The following MYH7B variants were observed in gnomAD, a reference collection of about 807,000 sequenced individuals.
MYH7B encodes myosin heavy chain 7B, also known as myosin-7B.
MYH7B carries 205 observed loss-of-function variants against 234.5 expected under a neutral mutation model. The ratio of observed to expected loss-of-function variants is 0.87; its 90% CI spans 0.78 to 0.98. The LOEUF is 0.98. MYH7B is among the 50% of genes least tolerant of loss of function. MYH7B has a pLI of 0.00. For missense variants in MYH7B, 2,652 were observed against 2,633.4 expected, an observed-to-expected ratio of 1.01 and a Z score of -0.15; for synonymous variants, 1,193 against 1,105.0, an observed-to-expected ratio of 1.08 and a Z score of -1.58.
chr20:34,978,961 G>A (rs2081898670), intron 5 of MYH7B, among the ~76,000 whole-genome samples: 1 of 152,130 alleles, frequency 6.6e-6, no homozygotes, highest in Admixed American at 6.6e-5. Context: ...TTACAGTTAG[G>A]AGGCCTGGGT....
chr20:34,956,069 G>C (rs960720706), intron 1 of MYH7B, 62 bp downstream of exon 1: 1 of 152,464 alleles, frequency 6.6e-6, no homozygotes, highest in Middle Eastern at 3.4e-3. Context: ...GGAAACTAAT[G>C]CTCAGAGCGG....
chr20:34,998,573 G>C (rs749848317), exon 34 of MYH7B: 1 of 1,613,638 alleles, frequency 6.2e-7, no homozygotes. Flanking sequence ...CCGTGGAAAG[G>C]CCCTGGCCGC....
At chr20:34,980,312 G>C (rs1373687700) in intron 7 of MYH7B, 1 of 402,710 alleles carries the variant, frequency 2.5e-6, no homozygotes, top group East Asian at 4.6e-5. Flanking sequence ...ACTTTGGGAG[G>C]GCAAGGCGGG....
intron 2 of MYH7B, among the ~76,000 whole-genome samples, chr20:34,964,709 A>G (rs1054577653): frequency 6.6e-6 from 1 of 152,230 alleles, no homozygotes; most frequent in Non-Finnish European, 1.5e-5. Flanking sequence ...ACTTGAGACC[A>G]GGAGATAGAG....
In MYH7B at chr20:34,995,478, G is replaced by A. The variant is rs1196151062; in HGVS notation, c.2843G>A (p.Arg948His). Residue 948 changes from arginine to histidine, a missense_variant, in exon 28 of 45, where the codon CGC becomes CAC. Arg to His is a conservative substitution (Grantham distance 29, BLOSUM62 0). Transcript: ENST00000262873. The stretch of plus-strand genomic sequence containing the variant: ...AACGCTGACCTGGCCGCCCGCCGGC[G>A]CAAGCTGGAGGACGAGTGCACGGAG... The A allele has an allele frequency of 1.1e-5, 17 of 1,614,086 alleles. No homozygotes were observed. Among genetic ancestry groups the A allele is most frequent in the Middle Eastern group, 1.6e-4 (1 of 6,062 alleles).
intron 2 of MYH7B, among the ~76,000 whole-genome samples, chr20:34,963,865 T>C (rs1044201165): frequency 4.6e-5 from 7 of 152,194 alleles, no homozygotes; most frequent in Non-Finnish European, 8.8e-5. Flanking sequence ...ATTATATGAT[T>C]CTTGTGCAGC....
chr20:35,002,122 G>A (rs865900900), intron 44 of MYH7B, 37 bp downstream of exon 44: 2 of 1,609,604 alleles, frequency 1.2e-6, no homozygotes, highest in African/African-American at 1.3e-5. Flanking sequence ...CTGTGCAGGG[G>A]GACTGTGGGG....
exon 44 of MYH7B, chr20:35,001,980 T>C (rs778074347): frequency 9.9e-6 from 16 of 1,613,840 alleles, no homozygotes; most frequent in South Asian, 4.4e-5. Context: ...TGGCCAAGTA[T>C]CGCAAGGCCC....
intron 2 of MYH7B, among the ~76,000 whole-genome samples, chr20:34,968,609 CT>C (rs2081764616): frequency 6.6e-6 from 1 of 152,222 alleles, no homozygotes; most frequent in African/African-American, 2.4e-5. Flanking sequence ...GCCCCTGCCC[CT>C]TTCATGTCTA....
intron 1 of MYH7B, among the ~76,000 whole-genome samples, chr20:34,956,220 A>G (rs1183277393): frequency 2.0e-5 from 3 of 152,152 alleles, no homozygotes; most frequent in Admixed American, 6.5e-5. Context: ...CAGCCCAGCC[A>G]AGTCCCAGAA....
exon 35 of MYH7B, chr20:34,998,790 G>A: frequency 1.2e-6 from 2 of 1,613,246 alleles, no homozygotes; most frequent in Non-Finnish European, 1.7e-6. Context: ...AGCAACACGA[G>A]GAGGAGGCTG....
exon 20 of MYH7B, chr20:34,989,906 A>C: frequency 6.2e-7 from 1 of 1,614,080 alleles, no homozygotes; most frequent in Non-Finnish European, 8.5e-7. Flanking sequence ...GAGGTGGTCC[A>C]CTACGCAGGC....
intron 20 of MYH7B, 37 bp downstream of exon 20, chr20:34,989,956 TC>T: frequency 1.2e-6 from 2 of 1,612,776 alleles, no homozygotes; most frequent in Non-Finnish European, 1.7e-6. Context: ...TCGGCCAGGC[TC>T]CTCCCGCCCT....
At chr20:34,958,275 G>T (rs1032336406) in intron 2 of MYH7B, among the ~76,000 whole-genome samples, 63 bp downstream of exon 2, 1 of 152,132 alleles carries the variant, frequency 6.6e-6, no homozygotes, top group Non-Finnish European at 1.5e-5. Flanking sequence ...TACGTGACTT[G>T]TTCAAGGTGA....
chr20:34,998,600 T>C, exon 34 of MYH7B: 1 of 1,613,226 alleles, frequency 6.2e-7, no homozygotes, highest in Non-Finnish European at 8.5e-7. Flanking sequence ...CCTGGAAGAG[T>C]TGCGGCGCCA....
In MYH7B at chr20:34,994,247, C is replaced by G. The variant is rs769216029; in HGVS notation, c.2546C>G (p.Ser849Trp). ...TTCAAGATGAAGCCGCTGCTGCGCT[C>G]GGCGCAGGCTGAGGAGGAGCTGGCG... The change falls in exon 27 of 45, where the codon TCG becomes TGG. Residue 849 changes from serine to tryptophan, a missense_variant. By Grantham distance (177) the Ser-to-Trp change is radical. Coordinates refer to ENST00000262873, the Ensembl canonical transcript of MYH7B. 6 of 1,613,098 alleles carry G rather than the reference C, an allele frequency of 3.7e-6. No homozygotes were observed. The South Asian group carries it at 5.5e-5, about 15-fold the overall frequency.
chr20:34,989,139 C>A (rs1439104350), intron 19 of MYH7B, among the ~76,000 whole-genome samples: 1 of 152,222 alleles, frequency 6.6e-6, no homozygotes, highest in African/African-American at 2.4e-5. Context: ...ACACAGATTT[C>A]ATTTCATATC....
rs571047145 is a variant in MYH7B at position 34,988,160 on chromosome 20, CAT to C, written c.1486_1487del (p.Met496ValfsTer23). 1.5e-3 allele frequency: 2,484 copies of C among 1,614,134 alleles called. 3 individuals are homozygous for C. Among genetic ancestry groups the C allele is most frequent in the Middle Eastern group, 2.1e-3 (13 of 6,056 alleles). On this transcript the variant is annotated frameshift_variant, in exon 19 of 45. Transcript: ENST00000262873. LOFTEE classifies it high-confidence loss of function. ...AATTGCAGCAGTTCTTCAACCAGCA[CAT>C]GTTTGTGCTGGAGCAGGAGGAGTAC...
At chr20:34,977,759 C>CGCGAGT in intron 4 of MYH7B, 79 bp downstream of exon 4, 4 of 1,480,930 alleles carry the variant, frequency 2.7e-6, no homozygotes, top group Non-Finnish European at 3.7e-6. Context: ...CATGGGTGGC[C>CGCGAGT]GCGAGTCTTC....
Sources: gnomAD v4.1 joint callset for allele counts (sites outside exome capture counted in the v4.1 genomes callset) on GRCh38, gnomAD v4.1.1 for gene constraint, MANE v1.5 for transcripts, NCBI Gene and HGNC (gene_info 2026-07-23, HGNC 2026-07-21) for gene names.